Variants in PCNX4 observed in about 807,000 individuals in gnomAD.
PCNX4 encodes the protein pecanex-like protein 4.
In PCNX4, 103 loss-of-function variants were observed where a neutral mutation model predicts 107.2. That is an observed-to-expected ratio of 0.96 (90% confidence interval 0.82 to 1.13). The LOEUF is 1.13. Ranked by LOEUF, PCNX4 falls within the 50% of genes most tolerant of loss-of-function variation. The pLI is 0.00. For missense variants in PCNX4, 1,528 were observed against 1,379.4 expected (o/e 1.11, Z -1.71); for synonymous variants, 541 against 481.7 (o/e 1.12, Z -1.61).
At chr14:60,128,592 G>T (rs1023889239) in intron 10 of PCNX4, among the ~76,000 whole-genome samples, 1 of 152,132 alleles carries the variant, frequency 6.6e-6, no homozygotes, top group Non-Finnish European at 1.5e-5. Flanking sequence ...AGAAATACTA[G>T]AGTTCTTCAG....
intron 2 of PCNX4, 49 bp from the exon 3 acceptor site, chr14:60,114,651 C>T (rs1344188723): frequency 1.8e-5 from 25 of 1,396,726 alleles, no homozygotes; most frequent in South Asian, 4.6e-5. Flanking sequence ...CTTAAAAGAT[C>T]CTCTTCTATA....
In PCNX4 at chr14:60,145,101, G is replaced by A. The variant is rs1334280866; in HGVS notation, c.*10880G>A. Reference sequence around the variant, plus strand: ...TTAAGTCCTTCTGTTTTGAGGAGCTGTATCATTATGATTCACTATTAAGAA... The same window carrying A: ...TTAAGTCCTTCTGTTTTGAGGAGCTATATCATTATGATTCACTATTAAGAA... On this transcript the variant is annotated 3_prime_UTR_variant, in exon 11 of 11. Coordinates refer to ENST00000406854, the MANE Select transcript of PCNX4 (RefSeq NM_001330177.2). This position sits in a 1 kb window ranked among gnomAD's most constrained non-coding sequence, Gnocchi z 4.0. 2.3e-6 allele frequency: 2 copies of A among 856,058 alleles called. No individual in the cohort carries two copies. The highest frequency in any genetic ancestry group is 3.4e-6 in the Non-Finnish European group (2 of 580,150). The allele number at this position is 856,058 out of a possible 1,614,324, so 53.0% of individuals were successfully genotyped here.
chr14:60,095,099 G>C (rs761366320), intron 1 of PCNX4, among the ~76,000 whole-genome samples: 1 of 152,092 alleles, frequency 6.6e-6, no homozygotes, highest in Non-Finnish European at 1.5e-5. Context: ...GACGTGCCCG[G>C]GAGGCAAGTC....
intron 6 of PCNX4, among the ~76,000 whole-genome samples, chr14:60,116,513 C>T (rs1345547645): frequency 6.6e-6 from 1 of 152,136 alleles, no homozygotes; most frequent in East Asian, 1.9e-4. Context: ...AGTGGTATAG[C>T]CCTTGTAGGG....
rs1352088604 is a variant in PCNX4 at position 60,144,496 on chromosome 14, AT to A, written c.*10276del. 6.2e-6 allele frequency: 1 copy of A among 160,146 alleles called. No homozygotes were observed. Among genetic ancestry groups the A allele is most frequent in the East Asian group, 1.9e-4 (1 of 5,328 alleles). 9.9% of individuals were successfully genotyped at this position (160,146 alleles called of 1,614,324 possible). A position where few individuals can be genotyped will look rare whatever the true frequency, so the allele number is the denominator to read the frequency against. On this transcript the variant is annotated 3_prime_UTR_variant, in exon 11 of 11. Transcript: ENST00000406854. ...TCTGTCCCTTCCACCATGTGAGGAC[AT>A]ACATTCCTCCACTGTGGAGGATGCA...
chr14:60,102,133 T>C (rs1203695087), intron 1 of PCNX4, among the ~76,000 whole-genome samples: 1 of 152,176 alleles, frequency 6.6e-6, no homozygotes, highest in Non-Finnish European at 1.5e-5. Flanking sequence ...GATGAACAAG[T>C]TCTAGAGATC....
intron 1 of PCNX4, among the ~76,000 whole-genome samples, chr14:60,105,033 A>G (rs553548881): frequency 6.6e-6 from 1 of 152,288 alleles, no homozygotes; most frequent in African/African-American, 2.4e-5. Context: ...AGATTTTGGA[A>G]TGTTTGCATT....
chr14:60,107,649 A>T lies in PCNX4; in HGVS notation c.11A>T (p.Asp4Val), dbSNP rs542679228. The T allele has an allele frequency of 5.0e-6, 8 of 1,612,132 alleles. No individual in the cohort carries two copies. The African/African-American group carries it at 5.3e-5, about 11-fold the overall frequency. Residue 4 changes from aspartate to valine, a missense_variant, in exon 2 of 11, where the codon GAT becomes GTT. By Grantham distance (152) the Asp-to-Val change is radical. Transcript: ENST00000406854. ...TAATCCCGAGTGAGGATGAGTCCAGATGTGCCTCTACTGAATGATTACAAG... is the reference window on the plus strand; with the variant it reads ...TAATCCCGAGTGAGGATGAGTCCAGTTGTGCCTCTACTGAATGATTACAAG... MSP[D>V]VPLLNDYKQD...
In PCNX4 at chr14:60,115,394, T is replaced by A; in HGVS notation, c.1290T>A (p.Thr430=). The part of the protein sequence containing the change: ...PFYPKDVQTV[T]VFFEKQTRLM... ...ATCCGAAGGATGTGCAAACTGTGAC[T>A]GTATTCTTTGAGAAGCAAACTAGGC... Residue 430 remains threonine, a synonymous_variant, in exon 4 of 11, where the codon ACT becomes ACA. Coordinates refer to ENST00000406854, the MANE Select transcript of PCNX4 (RefSeq NM_001330177.2). 6.3e-7 allele frequency: 1 copy of A among 1,577,524 alleles called. No homozygotes were observed. The highest frequency in any genetic ancestry group is 1.9e-5 in the Admixed American group (1 of 53,010).
Position 60,116,569 on chromosome 14 carries a change from C to G in PCNX4, c.1578+509C>G, listed in dbSNP as rs1395411464. Reference sequence around the variant, plus strand: ...TGTGGTGATGTTGGTGTAAACAAACCTACTGGGCTGCCAGTCATATAGAAG... The same window carrying G: ...TGTGGTGATGTTGGTGTAAACAAACGTACTGGGCTGCCAGTCATATAGAAG... On this transcript the variant is annotated intron_variant, in intron 6 of 10. Coordinates refer to ENST00000406854, the MANE Select transcript of PCNX4 (RefSeq NM_001330177.2). Among the ~76,000 whole-genome samples, 4 of 151,780 alleles carry G rather than the reference C, an allele frequency of 2.6e-5. No homozygotes were observed. In the East Asian group the frequency reaches 7.7e-4, roughly 29 times the overall value.
At chr14:60,125,448 T>C (rs968942554) in intron 9 of PCNX4, among the ~76,000 whole-genome samples, 189 bp from the exon 10 acceptor site, 2 of 152,234 alleles carry the variant, frequency 1.3e-5, no homozygotes, top group Admixed American at 1.3e-4. Flanking sequence ...TTTGTTTATA[T>C]GGAAAACCTG....
chr14:60,134,309 T>C lies in PCNX4; in HGVS notation c.*88T>C. On this transcript the variant is annotated 3_prime_UTR_variant, in exon 11 of 11. Coordinates refer to ENST00000406854, the MANE Select transcript of PCNX4 (RefSeq NM_001330177.2). ...ACTGTGATTCTTGTAACTTGAGGACTTCTCCACACCCCCATTCAGATGCCT... is the reference window on the plus strand; with the variant it reads ...ACTGTGATTCTTGTAACTTGAGGACCTCTCCACACCCCCATTCAGATGCCT... 6.8e-7 allele frequency: 1 copy of C among 1,474,604 alleles called. No individual in the cohort carries two copies. The highest frequency in any genetic ancestry group is 1.4e-5 in the African/African-American group (1 of 71,946). 91.3% of individuals were successfully genotyped at this position (1,474,604 alleles called of 1,614,324 possible). A position where few individuals can be genotyped will look rare whatever the true frequency, so the allele number is the denominator to read the frequency against.
At chr14:60,120,255 T>G (rs1295338755) in intron 7 of PCNX4, among the ~76,000 whole-genome samples, 1 of 152,198 alleles carries the variant, frequency 6.6e-6, no homozygotes, top group African/African-American at 2.4e-5. Flanking sequence ...ATGTGTGATA[T>G]GTTGACTGCC....
chr14:60,105,480 A>G (rs866673480), intron 1 of PCNX4, among the ~76,000 whole-genome samples: 3 of 152,206 alleles, frequency 2.0e-5, no homozygotes, highest in Non-Finnish European at 4.4e-5. Flanking sequence ...TCCTTCTGAA[A>G]CTTTTTATAC....
At chr14:60,098,852 C>T (rs1056227615) in intron 1 of PCNX4, among the ~76,000 whole-genome samples, 2 of 151,588 alleles carry the variant, frequency 1.3e-5, no homozygotes, top group African/African-American at 4.9e-5. Flanking sequence ...GCAGGAGAAT[C>T]GCTTGAACCC....
rs1303134662 is a variant in PCNX4 at position 60,137,949 on chromosome 14, G to C, written c.*3728G>C. 6.6e-6 allele frequency: 1 copy of C among 151,974 alleles called. No individual in the cohort carries two copies. The highest frequency in any genetic ancestry group is 1.9e-4 in the East Asian group (1 of 5,196). 9.4% of individuals were successfully genotyped at this position (151,974 alleles called of 1,614,324 possible). A position where few individuals can be genotyped will look rare whatever the true frequency, so the allele number is the denominator to read the frequency against. ...GTAAAAATAAAAAAAAAAATAACCGGGTGTGGTGGTGGGTGCCTGTAGTCC... is the reference window on the plus strand; with the variant it reads ...GTAAAAATAAAAAAAAAAATAACCGCGTGTGGTGGTGGGTGCCTGTAGTCC... On this transcript the variant is annotated 3_prime_UTR_variant, in exon 11 of 11. Coordinates refer to ENST00000406854, the MANE Select transcript of PCNX4 (RefSeq NM_001330177.2).
chr14:60,133,679 G>C, intron 10 of PCNX4: 1 of 563,764 alleles, frequency 1.8e-6, no homozygotes. Context: ...GCATCGCTGA[G>C]GCAACAGATC....
Position 60,125,819 on chromosome 14 carries a change from A to C in PCNX4, c.3263A>C (p.Asn1088Thr). 1 of 1,599,362 alleles carries C rather than the reference A, an allele frequency of 6.3e-7. No individual in the cohort carries two copies. Among genetic ancestry groups the C allele is most frequent in the Non-Finnish European group, 8.5e-7 (1 of 1,174,788 alleles). Reference sequence around the variant, plus strand: ...TTGTTTTCTCTGGGGTATGATTCTAATATGGTAAGGTTAAAAAATTTTTAA... The same window carrying C: ...TTGTTTTCTCTGGGGTATGATTCTACTATGGTAAGGTTAAAAAATTTTTAA... ...PYLFSLGYDSNMGIYTGRVLS... is the reference protein window; with the variant it reads ...PYLFSLGYDSTMGIYTGRVLS... The change falls in exon 10 of 11, where the codon AAT becomes ACT. Residue 1088 changes from asparagine to threonine, a missense_variant. Asn to Thr is a moderately conservative substitution (Grantham distance 65). Transcript: ENST00000406854.
rs747555128 is a variant in PCNX4, at chr14:60,125,155, T to C, written c.2984T>C (p.Ile995Thr). 2.5e-6 allele frequency: 4 copies of C among 1,612,660 alleles called. No individual in the cohort carries two copies. Among genetic ancestry groups the C allele is most frequent in the Middle Eastern group, 1.6e-4 (1 of 6,084 alleles). The change falls in exon 9 of 11, where the codon ATA becomes ACA. Residue 995 changes from isoleucine to threonine, a missense_variant. Coordinates refer to ENST00000406854, the MANE Select transcript of PCNX4 (RefSeq NM_001330177.2). ...IDNMAPSPGH[I>T]LRVYGGVLPW... ...AATATGGCTCCTAGTCCTGGTCATATATTGAGAGTTTACGGTGGTGTTTTG... is the reference window on the plus strand; with the variant it reads ...AATATGGCTCCTAGTCCTGGTCATACATTGAGAGTTTACGGTGGTGTTTTG...
Sources: gnomAD v4.1 joint callset for allele counts (sites outside exome capture counted in the v4.1 genomes callset) on GRCh38, gnomAD v4.1.1 for gene constraint, Gnocchi (gnomAD v3.1) non-coding constraint, MANE v1.5 for transcripts, NCBI Gene and HGNC (gene_info 2026-07-23, HGNC 2026-07-21) for gene names.